Variants in COPE observed in about 807,000 individuals in gnomAD.
COPE encodes coatomer subunit epsilon.
In COPE, 19 loss-of-function variants were observed where a neutral mutation model predicts 42.1. That is an observed-to-expected ratio of 0.45 (90% CI 0.31 to 0.66). The LOEUF (loss-of-function observed/expected upper bound fraction) is 0.66. Among genes scored for constraint, COPE ranks in the 30% least tolerant of loss-of-function variants. The probability of loss-of-function intolerance (pLI) is 0.05; values close to 1 mark genes in which losing one functional copy is unlikely to be tolerated. For synonymous variants in COPE, 195 were observed against 181.3 expected, an observed-to-expected ratio of 1.08 and a Z score of -0.60; for missense variants, 402 against 416.1, an observed-to-expected ratio of 0.97 and a Z score of 0.30.
At chr19:18,914,760 T>G (rs554103176) in intron 1 of COPE, among the ~76,000 whole-genome samples, 1 of 149,344 alleles carries the variant, frequency 6.7e-6, no homozygotes, top group South Asian at 2.1e-4. Flanking sequence ...ATAGTCTTTT[T>G]TTTTTTTTTT....
chr19:18,916,685 G>C (rs1356831096), intron 1 of COPE, among the ~76,000 whole-genome samples: 1 of 151,892 alleles, frequency 6.6e-6, no homozygotes, highest in East Asian at 1.9e-4. Flanking sequence ...CTACTAGGGA[G>C]GCTGAGGCAG....
rs1456674389 is a variant in COPE, at chr19:18,900,430, G to A, written c.755C>T (p.Thr252Met). The A allele has an allele frequency of 1.4e-5, 21 of 1,548,872 alleles. No individual in the cohort carries two copies. The highest frequency in any genetic ancestry group is 1.7e-4 in the Middle Eastern group (1 of 5,974). The stretch of plus-strand genomic sequence containing the variant: ...GGACAGGACGATGAGGTTGACCAGC[G>A]TCTCTGGGTAGCCACTATCCTGGAG... ...ALDKDSGYPE[T>M]LVNLIVLSQH... Residue 252 changes from threonine (T) to methionine (M), a missense_variant, in exon 8 of 10, where the codon ACG becomes ATG. Physicochemically the swap from Thr to Met is moderately conservative, Grantham distance 81 (BLOSUM62 -1). Transcript: ENST00000262812.
At chr19:18,907,771 C>A (rs2056774277) in intron 3 of COPE, among the ~76,000 whole-genome samples, 2 of 152,212 alleles carry the variant, frequency 1.3e-5, no homozygotes, top group African/African-American at 4.8e-5. Context: ...AGGGGGCCAC[C>A]CTAGACCAAA....
chr19:18,901,149 G>C (rs1014002945), intron 7 of COPE, among the ~76,000 whole-genome samples: 2 of 152,208 alleles, frequency 1.3e-5, no homozygotes, highest in Admixed American at 6.5e-5. Flanking sequence ...AACCCAGCAA[G>C]AATGCAGGGT....
At chr19:18,916,591 G>A (rs1601237420) in intron 1 of COPE, among the ~76,000 whole-genome samples, 2 of 151,792 alleles carry the variant, frequency 1.3e-5, no homozygotes, top group South Asian at 2.1e-4. Flanking sequence ...AGTTACAGAC[G>A]AGCCTGGCCA....
intron 7 of COPE, among the ~76,000 whole-genome samples, chr19:18,902,216 G>A (rs1249930274): frequency 6.6e-6 from 1 of 150,744 alleles, no homozygotes; most frequent in Admixed American, 6.6e-5. Context: ...AAGCATGGTG[G>A]CTCACACCTA....
At chr19:18,904,230 G>C (rs899452783) in intron 6 of COPE, among the ~76,000 whole-genome samples, 2 of 152,254 alleles carry the variant, frequency 1.3e-5, no homozygotes, top group African/African-American at 4.8e-5. Context: ...CTCCCGAAGT[G>C]CTGGGATTAC....
intron 4 of COPE, chr19:18,905,929 C>T (rs763392520): frequency 3.1e-5 from 16 of 523,866 alleles, no homozygotes; most frequent in African/African-American, 1.0e-4. Context: ...TGCCCGGACT[C>T]GACACCCTGG....
intron 1 of COPE, among the ~76,000 whole-genome samples, chr19:18,915,138 G>T (rs1452370347): frequency 6.6e-6 from 1 of 152,168 alleles, no homozygotes. Context: ...AGCCTGGGAG[G>T]TCGAGGCTAC....
chr19:18,918,815 G>T (rs530105157), intron 1 of COPE, among the ~76,000 whole-genome samples: 2 of 152,222 alleles, frequency 1.3e-5, no homozygotes, highest in Non-Finnish European at 2.9e-5. Context: ...GAATGGGTAA[G>T]CTCTGGGAGA....
chr19:18,904,879 G>A, intron 5 of COPE, 27 bp from the exon 6 acceptor site: 2 of 1,548,988 alleles, frequency 1.3e-6, no homozygotes, highest in Non-Finnish European at 1.7e-6. Context: ...TGACAGAGGG[G>A]CTGAGTGGCC....
chr19:18,905,438 C>T (rs372176142), intron 5 of COPE, 138 bp downstream of exon 5: 38 of 862,042 alleles, frequency 4.4e-5, no homozygotes, highest in Middle Eastern at 2.2e-4. Context: ...AAGGGCTGAA[C>T]GACAGCAAGC....
intron 1 of COPE, among the ~76,000 whole-genome samples, chr19:18,918,148 C>T (rs530172677): frequency 3.6e-4 from 49 of 135,232 alleles, no homozygotes; most frequent in African/African-American, 1.2e-3. Flanking sequence ...GAGATCACGC[C>T]ACTGCACTCC....
chr19:18,903,541 G>T (rs191866755), intron 6 of COPE, 118 bp from the exon 7 acceptor site: 1 of 1,194,440 alleles, frequency 8.4e-7, no homozygotes, highest in Non-Finnish European at 1.1e-6. Context: ...TGGTGTGCCC[G>T]GTTCAAGGCA....
At chr19:18,914,897 T>C (rs529497272) in intron 1 of COPE, among the ~76,000 whole-genome samples, 1 of 151,536 alleles carries the variant, frequency 6.6e-6, no homozygotes, top group East Asian at 2.0e-4. Context: ...GCCGCGACTA[T>C]ATGTATTTTT....
chr19:18,918,405 T>C (rs1019438057), intron 1 of COPE, among the ~76,000 whole-genome samples: 20 of 152,130 alleles, frequency 1.3e-4, no homozygotes, highest in Admixed American at 5.9e-4. Context: ...GTTTGTTTTC[T>C]CTAAAATAAA....
chr19:18,916,987 C>G (rs1271234235), intron 1 of COPE, among the ~76,000 whole-genome samples: 1 of 148,238 alleles, frequency 6.7e-6, no homozygotes, highest in Non-Finnish European at 1.5e-5. Flanking sequence ...TTCACAGTCA[C>G]AGTCCTGGAG....
Position 18,903,364 on chromosome 19 carries a change from C to G in COPE, c.639G>C (p.Ser213=), listed in dbSNP as rs201323581. 3 of 1,612,906 alleles carry G rather than the reference C, an allele frequency of 1.9e-6. No individual in the cohort carries two copies. The highest frequency in any genetic ancestry group is 2.5e-6 in the Non-Finnish European group (3 of 1,179,640). ...GCCCATTGAGCAGCAGCAGGGTGGG[C>G]GAGCACTTGTCAGCCATCTCCTGGA... The part of the protein sequence containing the change: ...YIFQEMADKC[S]PTLLLLNGQA... The change falls in exon 7 of 10, where the codon TCG becomes TCC. Residue 213 remains serine (S), a synonymous_variant. Coordinates refer to ENST00000262812, the MANE Select transcript of COPE (RefSeq NM_007263.4).
At chr19:18,901,805 C>A (rs1021061560) in intron 7 of COPE, among the ~76,000 whole-genome samples, 1 of 152,048 alleles carries the variant, frequency 6.6e-6, no homozygotes, top group Admixed American at 6.6e-5. Flanking sequence ...GGTGGCATAC[C>A]GTTTCAAAAA....
Sources: allele counts gnomAD v4.1 joint callset (sites outside exome capture counted in the v4.1 genomes callset), GRCh38; gene constraint gnomAD v4.1.1; transcripts MANE v1.5; gene names NCBI Gene and HGNC (gene_info 2026-07-23, HGNC 2026-07-21).